IQGAP1: variants seen among roughly 807,000 people sequenced by gnomAD.
IQGAP1 encodes IQ motif containing GTPase activating protein 1.
IQGAP1 carries 66 observed loss-of-function variants against 215.6 expected under a neutral mutation model. The ratio of observed to expected loss-of-function variants is 0.31; its 90% CI spans 0.25 to 0.38. The LOEUF is 0.38. IQGAP1 is among the 10% of genes least tolerant of loss of function. IQGAP1 has a pLI of 1.00. For missense variants in IQGAP1, 1,712 were observed against 1,997.1 expected (o/e 0.86, Z 2.72); for synonymous variants, 772 against 728.7 (o/e 1.06, Z -0.96).
chr15:90,492,705 A>G lies in IQGAP1; in HGVS notation c.4622A>G (p.Lys1541Arg). The change falls in exon 35 of 38, where the codon AAG becomes AGG. Residue 1541 changes from lysine (K) to arginine (R), a missense_variant. Lys to Arg is a conservative substitution (Grantham distance 26). Coordinates refer to ENST00000268182, the MANE Select transcript of IQGAP1 (RefSeq NM_003870.4). ...IKTCLDNLASKGKVSKKPREM... is the reference protein window; with the variant it reads ...IKTCLDNLASRGKVSKKPREM... ...ACCTGCTTGGATAACTTAGCCAGCAAGGGCAAGTGAGTATTTTTTCTTTTT... is the reference window on the plus strand; with the variant it reads ...ACCTGCTTGGATAACTTAGCCAGCAGGGGCAAGTGAGTATTTTTTCTTTTT... The G allele has an allele frequency of 1.2e-6, 2 of 1,603,910 alleles. No homozygotes were observed. Among genetic ancestry groups the G allele is most frequent in the Non-Finnish European group, 1.7e-6 (2 of 1,177,182 alleles).
Position 90,487,503 on chromosome 15 carries a change from G to A in IQGAP1, c.4169G>A (p.Arg1390His), listed in dbSNP as rs766747530. 17 of 1,613,364 alleles carry A rather than the reference G, an allele frequency of 1.1e-5. No individual in the cohort carries two copies. Among genetic ancestry groups the A allele is most frequent in the Non-Finnish European group, 1.3e-5 (15 of 1,179,450 alleles). ...DARTILLNTKRLIVDVIRFQP... is the reference protein window; with the variant it reads ...DARTILLNTKHLIVDVIRFQP... The stretch of plus-strand genomic sequence containing the variant: ...CCCCCATCTCGTTTCAGTACAAAAC[G>A]TTTAATTGTGGATGTCATCCGGTTC... Residue 1390 changes from arginine to histidine, a missense_variant, in exon 33 of 38, where the codon CGT becomes CAT. Physicochemically the swap from Arg to His is conservative, Grantham distance 29. Transcript: ENST00000268182.
rs1396038778 is a variant in IQGAP1 at position 90,439,395 on chromosome 15, C to T, written c.531C>T (p.Phe177=). The T allele has an allele frequency of 6.2e-7, 1 of 1,611,298 alleles. No individual in the cohort carries two copies. Among genetic ancestry groups the T allele is most frequent in the Non-Finnish European group, 8.5e-7 (1 of 1,178,088 alleles). ...QIQDLYGKVD[F]TEEEINNMKT... ...AAGACCTATATGGAAAGGTTGACTT[C>T]ACAGGTAAGGAGTTAGATACTTGGC... The change falls in exon 6 of 38, where the codon TTC becomes TTT. Residue 177 remains phenylalanine, a synonymous_variant. Transcript: ENST00000268182.
At position 90,445,196 on chromosome 15, in the gene IQGAP1, C is replaced by G. The variant is rs1056944572; in HGVS notation, c.913+1718C>G. 9.3e-5 allele frequency among the ~76,000 whole-genome samples: 14 copies of G among 151,300 alleles called. 1 individual carries two copies. Among genetic ancestry groups the G allele is most frequent in the African/African-American group, 3.4e-4 (14 of 41,084 alleles). ...AAGTGGTACTGACCTGGTATTTGAT[C>G]TCTTGTTCCTCTGTTAAAAGCTGTG... On this transcript the variant is annotated intron_variant, in intron 9 of 37. Coordinates refer to ENST00000268182, the MANE Select transcript of IQGAP1 (RefSeq NM_003870.4).
intron 2 of IQGAP1, among the ~76,000 whole-genome samples, chr15:90,416,974 T>C (rs1463216430): frequency 6.6e-6 from 1 of 152,216 alleles, no homozygotes. Flanking sequence ...GTGATGACCA[T>C]TTTTTCATGT....
At chr15:90,428,007 A>G (rs1029710283) in intron 3 of IQGAP1, among the ~76,000 whole-genome samples, 3 of 152,336 alleles carry the variant, frequency 2.0e-5, no homozygotes, top group Non-Finnish European at 4.4e-5. Flanking sequence ...TTAACATCAT[A>G]AACAGAAACT....
At chr15:90,459,547 C>T (rs1318472875) in intron 15 of IQGAP1, among the ~76,000 whole-genome samples, 2 of 152,170 alleles carry the variant, frequency 1.3e-5, no homozygotes, top group East Asian at 3.8e-4. Context: ...GAGTTTGAAG[C>T]ATTTCCTTTG....
intron 4 of IQGAP1, among the ~76,000 whole-genome samples, chr15:90,432,681 G>T (rs145290588): frequency 6.6e-6 from 1 of 152,096 alleles, no homozygotes; most frequent in East Asian, 1.9e-4. Context: ...TATTTATTCT[G>T]GCTATTTCTC....
chr15:90,477,985 A>G (rs1313036456), intron 26 of IQGAP1, 96 bp downstream of exon 26: 6 of 815,418 alleles, frequency 7.4e-6, no homozygotes, highest in South Asian at 1.7e-5. Context: ...TAGTTCAAAT[A>G]GTTTTTCTTT....
Position 90,405,006 on chromosome 15 carries a change from A to G in IQGAP1, c.155+14133A>G, listed in dbSNP as rs573383722. ...TTTAAAGAGTCTTATCTATACTGAG[A>G]TTATATAAAAACATTCTCCCATGTT... On this transcript the variant is annotated intron_variant, in intron 2 of 37. Transcript: ENST00000268182. 3.9e-5 allele frequency among the ~76,000 whole-genome samples: 6 copies of G among 152,306 alleles called. No homozygotes were observed. The East Asian group carries it at 9.6e-4, about 24-fold the overall frequency.
chr15:90,477,419 C>T (rs1965995008), intron 25 of IQGAP1, among the ~76,000 whole-genome samples, 189 bp downstream of exon 25: 1 of 151,812 alleles, frequency 6.6e-6, no homozygotes. Context: ...GATAAATTAA[C>T]TTTAGGAACA....
intron 5 of IQGAP1, among the ~76,000 whole-genome samples, chr15:90,436,588 C>G (rs1205011097): frequency 6.6e-6 from 1 of 152,160 alleles, no homozygotes; most frequent in Non-Finnish European, 1.5e-5. Context: ...CTACAAAGTA[C>G]AGCTTAAGTA....
chr15:90,411,478 C>T (rs998500065), intron 2 of IQGAP1, among the ~76,000 whole-genome samples: 2 of 151,998 alleles, frequency 1.3e-5, no homozygotes, highest in Non-Finnish European at 2.9e-5. Context: ...CATAGTTAAC[C>T]CCCACTCCCT....
At chr15:90,461,667 C>T (rs1048783942) in intron 15 of IQGAP1, among the ~76,000 whole-genome samples, 1 of 152,080 alleles carries the variant, frequency 6.6e-6, no homozygotes, top group African/African-American at 2.4e-5. Flanking sequence ...GGCGAAACTC[C>T]ATCTCTACTA....
At chr15:90,478,019 T>G (rs1966004749) in intron 26 of IQGAP1, 130 bp downstream of exon 26, 1 of 674,674 alleles carries the variant, frequency 1.5e-6, no homozygotes, top group Non-Finnish European at 2.5e-6. Flanking sequence ...TAGACAGAGT[T>G]TCACTCTTGT....
At chr15:90,414,245 G>A (rs1238438577) in intron 2 of IQGAP1, among the ~76,000 whole-genome samples, 1 of 151,964 alleles carries the variant, frequency 6.6e-6, no homozygotes, top group Non-Finnish European at 1.5e-5. Flanking sequence ...GAGGGAGTTG[G>A]GGGTTGGAAG....
At chr15:90,481,766 C>T (rs1010074227) in intron 26 of IQGAP1, among the ~76,000 whole-genome samples, 194 bp from the exon 27 acceptor site, 3 of 152,216 alleles carry the variant, frequency 2.0e-5, no homozygotes, top group African/African-American at 7.2e-5. Flanking sequence ...GTGCCTGGCA[C>T]ACAATTCAGG....
intron 23 of IQGAP1, among the ~76,000 whole-genome samples, chr15:90,475,045 G>A (rs1336469237): frequency 7.0e-6 from 1 of 142,148 alleles, no homozygotes; most frequent in African/African-American, 2.7e-5. Flanking sequence ...CGTCGCTCAG[G>A]CTGGAGTGCA....
At chr15:90,460,861 C>T (rs12592611) in intron 15 of IQGAP1, among the ~76,000 whole-genome samples, 88,219 of 151,508 alleles carry the variant, frequency 0.58, 27,724 homozygotes, top group East Asian at 0.83. Context: ...TAGCTGGACA[C>T]GGTGGTGTGC....
At position 90,500,682 on chromosome 15, in the gene IQGAP1, A is replaced by C. The variant is rs1432420965; in HGVS notation, c.*574A>C. On this transcript the variant is annotated 3_prime_UTR_variant, in exon 38 of 38. Transcript: ENST00000268182. ...TTTCTTTATGGACAGGAGCTAATGG[A>C]AGTGACAGTCATGTTCAAAGGAAGC... The C allele has an allele frequency of 1.3e-5, 2 of 152,246 alleles. No individual in the cohort carries two copies. The highest frequency in any genetic ancestry group is 1.3e-4 in the Admixed American group (2 of 15,278). 9.4% of individuals were successfully genotyped at this position (152,246 alleles called of 1,614,324 possible).
Sources: allele counts gnomAD v4.1 joint callset (sites outside exome capture counted in the v4.1 genomes callset), GRCh38; gene constraint gnomAD v4.1.1; transcripts MANE v1.5; gene names NCBI Gene and HGNC (gene_info 2026-07-23, HGNC 2026-07-21).